Variants in SPIDR observed in about 807,000 individuals in gnomAD.
The protein encoded by SPIDR is DNA repair-scaffolding protein.
SPIDR carries 93 observed loss-of-function variants against 104.6 expected under a neutral mutation model. The observed-to-expected ratio is 0.89, with a 90% CI of 0.75 to 1.06. SPIDR has a LOEUF of 1.06. Ranked by LOEUF, SPIDR falls within the 50% of genes least tolerant of loss-of-function variation. SPIDR has a pLI of 0.00. For missense variants in SPIDR, 1,154 were observed against 1,111.2 expected, an observed-to-expected ratio of 1.04 and a Z score of -0.55; for synonymous variants, 431 against 416.9, an observed-to-expected ratio of 1.03 and a Z score of -0.41.
intron 5 of SPIDR, among the ~76,000 whole-genome samples, chr8:47,371,965 C>T (rs1240930250): frequency 6.6e-6 from 1 of 152,172 alleles, no homozygotes; most frequent in Non-Finnish European, 1.5e-5. Flanking sequence ...AGTGTTCATT[C>T]CTCCATCTCT....
chr8:47,279,704 G>A (rs1253259009), intron 1 of SPIDR, among the ~76,000 whole-genome samples, 158 bp from the exon 2 acceptor site: 1 of 152,134 alleles, frequency 6.6e-6, no homozygotes, highest in African/African-American at 2.4e-5. Flanking sequence ...TTGCTGTCCG[G>A]TTGCTCTTTA....
intron 6 of SPIDR, among the ~76,000 whole-genome samples, chr8:47,407,367 G>A (rs1554668004): frequency 6.6e-6 from 1 of 152,172 alleles, no homozygotes; most frequent in Non-Finnish European, 1.5e-5. Flanking sequence ...AGTTGGCAAA[G>A]TTATTCTTGA....
At chr8:47,697,368 CATACT>C (rs1161225293) in intron 11 of SPIDR, among the ~76,000 whole-genome samples, 2 of 151,938 alleles carry the variant, frequency 1.3e-5, no homozygotes, top group African/African-American at 4.8e-5. Flanking sequence ...GGTAAAATAA[CATACT>C]ATAAAATTTA....
intron 5 of SPIDR, among the ~76,000 whole-genome samples, chr8:47,372,635 GATA>G (rs781842229): frequency 1.1e-4 from 17 of 151,484 alleles, no homozygotes; most frequent in East Asian, 5.8e-4. Context: ...CAAAAATAAT[GATA>G]ATAATAATAA....
At chr8:47,362,039 G>A (rs782184550) in intron 5 of SPIDR, among the ~76,000 whole-genome samples, 25 of 152,190 alleles carry the variant, frequency 1.6e-4, no homozygotes, top group Admixed American at 3.9e-4. Flanking sequence ...CCAGCACAGC[G>A]TACTGGTGGC....
At chr8:47,533,251 AATAAG>A (rs2086321515) in intron 8 of SPIDR, among the ~76,000 whole-genome samples, 1 of 152,170 alleles carries the variant, frequency 6.6e-6, no homozygotes, top group Non-Finnish European at 1.5e-5. Context: ...ATAATTAATA[AATAAG>A]ATAATAAAAA....
At chr8:47,601,303 C>T (rs1588253833) in intron 10 of SPIDR, among the ~76,000 whole-genome samples, 1 of 152,172 alleles carries the variant, frequency 6.6e-6, no homozygotes, top group Non-Finnish European at 1.5e-5. Flanking sequence ...GGAAACACAG[C>T]CTCAAGGAGG....
chr8:47,396,438 T>C lies in SPIDR; in HGVS notation c.588T>C (p.Asn196=), dbSNP rs1554658463. The C allele has an allele frequency of 2.5e-6, 4 of 1,613,900 alleles. No homozygotes were observed. In the South Asian group the frequency reaches 3.3e-5, roughly 13 times the overall value. Residue 196 remains asparagine, a synonymous_variant, in exon 6 of 20, where the codon AAT becomes AAC. Coordinates refer to ENST00000297423, the MANE Select transcript of SPIDR (RefSeq NM_001080394.4). ...GTGAAAAAGAAGATGATTTGGAAAA[T>C]GTCCTACTCATTGATTCAGAATCCC... The part of the protein sequence containing the change: ...SDSEKEDDLE[N]VLLIDSESPH...
intron 8 of SPIDR, among the ~76,000 whole-genome samples, chr8:47,463,207 A>G (rs541934509): frequency 3.9e-5 from 6 of 152,004 alleles, no homozygotes; most frequent in Admixed American, 3.9e-4. Flanking sequence ...AAAATACAAA[A>G]AAAATTAGCT....
intron 10 of SPIDR, among the ~76,000 whole-genome samples, chr8:47,665,497 C>T (rs1334998446): frequency 6.6e-6 from 1 of 152,194 alleles, no homozygotes; most frequent in African/African-American, 2.4e-5. Context: ...TAATTATTAG[C>T]TGCAGAACCC....
intron 8 of SPIDR, among the ~76,000 whole-genome samples, chr8:47,529,645 A>G (rs2085599456): frequency 6.6e-6 from 1 of 152,184 alleles, no homozygotes; most frequent in Admixed American, 6.5e-5. Context: ...TGAGATATAC[A>G]TAAAGAAAGG....
At chr8:47,635,469 CTT>C (rs1423557492) in intron 10 of SPIDR, among the ~76,000 whole-genome samples, 2 of 152,208 alleles carry the variant, frequency 1.3e-5, no homozygotes, top group African/African-American at 4.8e-5. Context: ...CAAAATATCT[CTT>C]GTACCCCCAT....
chr8:47,710,849 A>AG (rs2081777243), intron 14 of SPIDR, among the ~76,000 whole-genome samples: 1 of 151,788 alleles, frequency 6.6e-6, no homozygotes, highest in Non-Finnish European at 1.5e-5. Context: ...GTACCATCAC[A>AG]GCTCACTGCA....
chr8:47,403,348 T>C (rs2062196454), intron 6 of SPIDR, among the ~76,000 whole-genome samples: 1 of 152,210 alleles, frequency 6.6e-6, no homozygotes, highest in Non-Finnish European at 1.5e-5. Flanking sequence ...TTGGAAGTTC[T>C]GGCCAGGGCA....
At chr8:47,646,832 TTAC>T (rs1009575845) in intron 10 of SPIDR, among the ~76,000 whole-genome samples, 3 of 152,146 alleles carry the variant, frequency 2.0e-5, no homozygotes, top group African/African-American at 4.8e-5. Context: ...ATTATATATA[TTAC>T]TCAGAAAAAT....
chr8:47,398,696 G>A (rs569948568), intron 6 of SPIDR, among the ~76,000 whole-genome samples: 1 of 152,360 alleles, frequency 6.6e-6, no homozygotes, highest in South Asian at 2.1e-4. Context: ...AGATGTGAAT[G>A]CGTAGACTGC....
At chr8:47,525,920 T>A (rs1037037618) in intron 8 of SPIDR, among the ~76,000 whole-genome samples, 8 of 152,218 alleles carry the variant, frequency 5.3e-5, no homozygotes, top group Non-Finnish European at 7.3e-5. Flanking sequence ...CTTACCCCTT[T>A]TCCCTGCAGT....
chr8:47,585,952 G>A (rs894902934), intron 8 of SPIDR, among the ~76,000 whole-genome samples: 1 of 152,104 alleles, frequency 6.6e-6, no homozygotes, highest in Non-Finnish European at 1.5e-5. Context: ...TTTTGGAGGG[G>A]CACATATTCA....
At chr8:47,702,107 A>T (rs1589337803) in intron 14 of SPIDR, 92 bp downstream of exon 14, 4 of 479,832 alleles carry the variant, frequency 8.3e-6, no homozygotes, top group African/African-American at 5.4e-5. Flanking sequence ...TTACACACAC[A>T]CACACACACA....
Sources: allele counts gnomAD v4.1 joint callset (sites outside exome capture counted in the v4.1 genomes callset), GRCh38; gene constraint gnomAD v4.1.1; transcripts MANE v1.5; gene names NCBI Gene and HGNC (gene_info 2026-07-23, HGNC 2026-07-21).